Variants in ITGA4 observed in about 807,000 individuals in gnomAD.
The protein encoded by ITGA4 is integrin alpha-4.
ITGA4 carries 63 observed loss-of-function variants against 133.6 expected under a neutral mutation model. The observed-to-expected ratio is 0.47, with a 90% CI of 0.38 to 0.58. The LOEUF is 0.58. Among genes scored for constraint, ITGA4 ranks in the 20% least tolerant of loss-of-function variants. The pLI is 0.00. For missense variants in ITGA4, 1,076 were observed against 1,252.7 expected, an observed-to-expected ratio of 0.86 and a Z score of 2.13; for synonymous variants, 483 against 438.0, an observed-to-expected ratio of 1.10 and a Z score of -1.28.
intron 17 of ITGA4, among the ~76,000 whole-genome samples, chr2:181,518,167 G>A (rs1434885883): frequency 1.3e-5 from 2 of 151,978 alleles, no homozygotes; most frequent in East Asian, 1.9e-4. Context: ...ACACAGGCAC[G>A]AGTAAATCAC....
chr2:181,529,797 TTTA>T (rs1269663028), intron 23 of ITGA4, 149 bp downstream of exon 23: 8 of 560,486 alleles, frequency 1.4e-5, no homozygotes, highest in Non-Finnish European at 2.5e-5. Flanking sequence ...TCACCATGCA[TTTA>T]TTGAGTTATG....
In ITGA4 at chr2:181,536,350, G is replaced by GAAAC. The variant is rs1267113629; in HGVS notation, c.*827_*830dup. On this transcript the variant is annotated 3_prime_UTR_variant, in exon 28 of 28. Coordinates refer to ENST00000397033, the MANE Select transcript of ITGA4 (RefSeq NM_000885.6). ...ATCTTCAAATCTTTTGTTATATTCT[G>GAAAC]AAACAAAAGATTGTGAGTGTTGCAC... Among the ~76,000 whole-genome samples, 2 of 151,304 alleles carry GAAAC rather than the reference G, an allele frequency of 1.3e-5. No individual in the cohort carries two copies. The highest frequency in any genetic ancestry group is 4.8e-5 in the African/African-American group (2 of 41,290).
intron 21 of ITGA4, among the ~76,000 whole-genome samples, chr2:181,526,601 G>A (rs1686834228): frequency 6.6e-6 from 1 of 152,002 alleles, no homozygotes; most frequent in Non-Finnish European, 1.5e-5. Context: ...CATGAGATGG[G>A]AAGAAATAAT....
At chr2:181,530,811 G>A (rs965432686) in intron 24 of ITGA4, among the ~76,000 whole-genome samples, 162 bp downstream of exon 24, 4 of 152,164 alleles carry the variant, frequency 2.6e-5, no homozygotes, top group African/African-American at 7.2e-5. Flanking sequence ...GGAAAGTTGA[G>A]ATAGACCCAG....
intron 4 of ITGA4, chr2:181,475,913 A>T (rs1371320550): frequency 6.5e-7 from 1 of 1,531,456 alleles, no homozygotes; most frequent in Non-Finnish European, 8.8e-7. Flanking sequence ...CTGCAGCAAA[A>T]CTAAAATCCA....
intron 6 of ITGA4, among the ~76,000 whole-genome samples, chr2:181,481,021 TATAAA>T (rs1271357837): frequency 6.6e-6 from 1 of 151,892 alleles, no homozygotes; most frequent in East Asian, 1.9e-4. Flanking sequence ...CAGAAATAAT[TATAAA>T]ATAAGCACTC....
rs200281258 is a variant in ITGA4 at position 181,536,988 on chromosome 2, G to A, written c.*1461G>A. On this transcript the variant is annotated 3_prime_UTR_variant, in exon 28 of 28. Transcript: ENST00000397033. Reference sequence around the variant, plus strand: ...CCATCCTAATTGATGAAAGTTATCTGTTCACAGGCCTGCAGTGATGGTGAG... The same window carrying A: ...CCATCCTAATTGATGAAAGTTATCTATTCACAGGCCTGCAGTGATGGTGAG... 2.2e-6 allele frequency: 1 copy of A among 451,846 alleles called. No homozygotes were observed. The highest frequency in any genetic ancestry group is 4.4e-6 in the Non-Finnish European group (1 of 225,912). The allele number at this position is 451,846 out of a possible 1,614,324, so 28.0% of individuals were successfully genotyped here.
At chr2:181,475,759 G>A (rs1685659689) in intron 4 of ITGA4, 8 of 1,547,762 alleles carry the variant, frequency 5.2e-6, no homozygotes, top group Non-Finnish European at 7.0e-6. Flanking sequence ...TTTCCTTCAA[G>A]CAGCAAGAGA....
intron 11 of ITGA4, 89 bp downstream of exon 11, chr2:181,493,508 AT>A (rs1438660037): frequency 2.8e-6 from 2 of 713,238 alleles, no homozygotes; most frequent in Non-Finnish European, 2.4e-6. Context: ...ATTTTTCTTA[AT>A]TTTCTCATTC....
intron 5 of ITGA4, 86 bp downstream of exon 5, chr2:181,478,910 AG>A (rs1685741298): frequency 1.5e-6 from 1 of 653,056 alleles, no homozygotes; most frequent in African/African-American, 1.9e-5. Context: ...TATGTTTTAA[AG>A]TAAAAATTGT....
intron 10 of ITGA4, among the ~76,000 whole-genome samples, chr2:181,489,919 G>A (rs756678315): frequency 6.6e-5 from 10 of 152,246 alleles, no homozygotes; most frequent in African/African-American, 2.2e-4. Context: ...GGGGGGCATC[G>A]GCAAGACTCC....
At chr2:181,530,226 C>T (rs1029392130) in intron 23 of ITGA4, among the ~76,000 whole-genome samples, 2 of 152,156 alleles carry the variant, frequency 1.3e-5, no homozygotes, top group African/African-American at 2.4e-5. Flanking sequence ...CCTATAAAGG[C>T]AAAGAAATAT....
chr2:181,531,219 T>C (rs1686938939), intron 24 of ITGA4, among the ~76,000 whole-genome samples: 2 of 152,204 alleles, frequency 1.3e-5, no homozygotes, highest in East Asian at 3.8e-4. Context: ...ACCAAGAGGT[T>C]GTCTTCACCT....
chr2:181,529,259 CCTAAGA>C (rs1016865911), intron 22 of ITGA4, among the ~76,000 whole-genome samples: 3 of 152,042 alleles, frequency 2.0e-5, no homozygotes, highest in Admixed American at 2.0e-4. Flanking sequence ...GTTTATGTCT[CCTAAGA>C]CTGTTTCTCC....
intron 24 of ITGA4, among the ~76,000 whole-genome samples, chr2:181,530,947 T>C (rs1686932640): frequency 6.6e-6 from 1 of 151,538 alleles, no homozygotes; most frequent in Admixed American, 6.6e-5. Context: ...GCCAACAGAG[T>C]GAAACCCCGT....
intron 2 of ITGA4, among the ~76,000 whole-genome samples, chr2:181,469,277 G>C (rs1009009398): frequency 6.6e-6 from 1 of 152,124 alleles, no homozygotes; most frequent in African/African-American, 2.4e-5. Flanking sequence ...TAAAACAGTA[G>C]GTTTTTAAAT....
At chr2:181,482,828 T>G (rs1685836412) in intron 9 of ITGA4, among the ~76,000 whole-genome samples, 177 bp downstream of exon 9, 1 of 152,178 alleles carries the variant, frequency 6.6e-6, no homozygotes, top group Non-Finnish European at 1.5e-5. Flanking sequence ...ATGGGAAAGT[T>G]TCCCATTTTG....
At chr2:181,460,954 G>C (rs1178258000) in intron 2 of ITGA4, among the ~76,000 whole-genome samples, 2 of 151,878 alleles carry the variant, frequency 1.3e-5, no homozygotes, top group African/African-American at 4.8e-5. Flanking sequence ...CTTTCCTTTG[G>C]AATAGCTTTA....
chr2:181,490,063 G>A (rs775878036), intron 10 of ITGA4, among the ~76,000 whole-genome samples: 4 of 152,114 alleles, frequency 2.6e-5, no homozygotes, highest in Admixed American at 6.5e-5. Flanking sequence ...TGCATGCACC[G>A]GTAATTAGAT....
Sources: allele counts gnomAD v4.1 joint callset (sites outside exome capture counted in the v4.1 genomes callset), GRCh38; gene constraint gnomAD v4.1.1; transcripts MANE v1.5; gene names NCBI Gene and HGNC (gene_info 2026-07-23, HGNC 2026-07-21).